DGKI: variants seen among roughly 807,000 people sequenced by gnomAD.
DGKI encodes the protein DAG kinase iota.
DGKI carries 55 observed loss-of-function variants against 147.5 expected under a neutral mutation model. That is an observed-to-expected ratio of 0.37 (90% confidence interval 0.30 to 0.47). The LOEUF (loss-of-function observed/expected upper bound fraction) is 0.47. DGKI is among the 20% of genes least tolerant of loss of function. DGKI has a pLI of 1.00. For missense variants in DGKI, 1,007 were observed against 1,323.8 expected (o/e 0.76, Z 3.71); for synonymous variants, 469 against 477.1 (o/e 0.98, Z 0.22).
intron 10 of DGKI, among the ~76,000 whole-genome samples, chr7:137,604,004 T>C (rs1820086375): frequency 6.6e-6 from 1 of 152,178 alleles, no homozygotes; most frequent in Non-Finnish European, 1.5e-5. Context: ...AGACTGACAT[T>C]TTTTATGCAT....
chr7:137,605,818 T>C (rs940519140), intron 10 of DGKI, among the ~76,000 whole-genome samples: 2 of 152,192 alleles, frequency 1.3e-5, no homozygotes, highest in African/African-American at 4.8e-5. Context: ...AAGGGTGTGG[T>C]GGGTGTGGGG....
At chr7:137,815,342 C>A (rs1797707002) in intron 1 of DGKI, among the ~76,000 whole-genome samples, 1 of 152,164 alleles carries the variant, frequency 6.6e-6, no homozygotes, top group Non-Finnish European at 1.5e-5. Context: ...CCAGCTTCTG[C>A]ACAGGCTTTG....
chr7:137,436,979 G>T (rs1052862995), intron 28 of DGKI, among the ~76,000 whole-genome samples: 14 of 152,134 alleles, frequency 9.2e-5, no homozygotes, highest in Admixed American at 6.5e-4. Context: ...CGAAGGAAAA[G>T]ATCCTTATAA....
intron 20 of DGKI, among the ~76,000 whole-genome samples, chr7:137,539,086 AG>A (rs1817607926): frequency 6.6e-6 from 1 of 152,120 alleles, no homozygotes; most frequent in African/African-American, 2.4e-5. Flanking sequence ...TACACTACTC[AG>A]GCCTTTTCAC....
chr7:137,439,977 G>C (rs182043321), intron 28 of DGKI, among the ~76,000 whole-genome samples: 48 of 152,364 alleles, frequency 3.2e-4, no homozygotes, highest in Non-Finnish European at 6.5e-4. Context: ...CCTGCCCTGA[G>C]TGTGCTGGCA....
chr7:137,771,545 A>C (rs1796196512), intron 1 of DGKI: 9 of 152,248 alleles, frequency 5.9e-5, no homozygotes, highest in Admixed American at 5.9e-4. Flanking sequence ...ACATCTAAGT[A>C]AATTCTCTCT....
In DGKI at chr7:137,728,146, T is replaced by C. The variant is rs750809476; in HGVS notation, c.402-38144A>G. Among the ~76,000 whole-genome samples, 100 of 152,220 alleles carry C rather than the reference T, an allele frequency of 6.6e-4. 1 individual carries two copies. The highest frequency in any genetic ancestry group is 1.3e-4 in the Non-Finnish European group (9 of 68,038). On this transcript the variant is annotated intron_variant, in intron 1 of 32. Transcript: ENST00000614521. ...GTCAATAAATATGTTTTTAATTTGG[T>C]GTTTCTTTTAAAATGGTAATTTTGG...
chr7:137,623,896 G>T (rs1563117727), intron 6 of DGKI, among the ~76,000 whole-genome samples: 2 of 151,958 alleles, frequency 1.3e-5, no homozygotes, highest in Non-Finnish European at 2.9e-5. Context: ...GCCATTATTG[G>T]TTCACATGGT....
At chr7:137,792,494 G>A (rs1796885827) in intron 1 of DGKI, among the ~76,000 whole-genome samples, 1 of 152,206 alleles carries the variant, frequency 6.6e-6, no homozygotes, top group Non-Finnish European at 1.5e-5. Flanking sequence ...GATAGCACCA[G>A]GAGGTTCTTT....
intron 1 of DGKI, among the ~76,000 whole-genome samples, chr7:137,836,624 T>C (rs1220729275): frequency 6.6e-6 from 1 of 152,154 alleles, no homozygotes; most frequent in African/African-American, 2.4e-5. Flanking sequence ...ACTGTAGAAT[T>C]TAAAAGGAGC....
chr7:137,840,080 C>T (rs1798502328), intron 1 of DGKI, among the ~76,000 whole-genome samples: 1 of 152,208 alleles, frequency 6.6e-6, no homozygotes, highest in South Asian at 2.1e-4. Context: ...TCTAAAGTAA[C>T]CCAAGCAGTG....
chr7:137,421,777 A>G (rs1812580989), intron 28 of DGKI, among the ~76,000 whole-genome samples: 1 of 152,224 alleles, frequency 6.6e-6, no homozygotes, highest in Non-Finnish European at 1.5e-5. Context: ...TCTTTCACTG[A>G]AATCTCTATG....
intron 12 of DGKI, among the ~76,000 whole-genome samples, chr7:137,596,001 C>CAAAAAAAAAAAAAAAAAAAAAAAAAAAAA (rs71177914): frequency 4.5e-5 from 2 of 44,400 alleles, no homozygotes; most frequent in Non-Finnish European, 3.9e-5. Context: ...GACTCCGTCT[C>CAAAAAAAAAAAAAAAAAAAAAAAAAAAAA]AAAAAAAAAA....
intron 20 of DGKI, among the ~76,000 whole-genome samples, chr7:137,535,966 C>T (rs765399346): frequency 4.0e-4 from 61 of 152,240 alleles, no homozygotes; most frequent in Non-Finnish European, 4.1e-4. Context: ...TGAAATTTGT[C>T]ATTCTGAAAT....
chr7:137,764,446 C>T (rs184439917), intron 1 of DGKI, among the ~76,000 whole-genome samples: 16 of 152,320 alleles, frequency 1.1e-4, no homozygotes, highest in Non-Finnish European at 2.2e-4. Flanking sequence ...TATTCTCTAA[C>T]ATAGCATCCC....
chr7:137,739,729 CTCCCAGCAGCTTTTAT>C (rs1485352057), intron 1 of DGKI, among the ~76,000 whole-genome samples: 2 of 152,090 alleles, frequency 1.3e-5, no homozygotes, highest in Non-Finnish European at 2.9e-5. Context: ...ACACTAGATC[CTCCCAGCAGCTTTTAT>C]TCCCCAGACT....
intron 1 of DGKI, among the ~76,000 whole-genome samples, chr7:137,725,875 C>T (rs1445484816): frequency 6.6e-6 from 1 of 152,088 alleles, no homozygotes; most frequent in Non-Finnish European, 1.5e-5. Flanking sequence ...TTTATTAGAC[C>T]CAACGTGATT....
At chr7:137,462,123 A>G (rs1814468580) in intron 27 of DGKI, among the ~76,000 whole-genome samples, 1 of 151,904 alleles carries the variant, frequency 6.6e-6, no homozygotes, top group Non-Finnish European at 1.5e-5. Flanking sequence ...CAACTAAAAT[A>G]CTCATTGGTT....
At chr7:137,752,459 A>T (rs2116763259) in intron 1 of DGKI, among the ~76,000 whole-genome samples, 1 of 152,294 alleles carries the variant, frequency 6.6e-6, no homozygotes, top group East Asian at 1.9e-4. Flanking sequence ...CTTATGCCCA[A>T]TTTCTGCCTC....
Sources: allele counts gnomAD v4.1 joint callset (sites outside exome capture counted in the v4.1 genomes callset), GRCh38; gene constraint gnomAD v4.1.1; transcripts MANE v1.5; gene names NCBI Gene and HGNC (gene_info 2026-07-23, HGNC 2026-07-21).